Variants in TMEFF2 observed in about 807,000 individuals in gnomAD.
The protein encoded by TMEFF2 is tomoregulin-2.
A neutral mutation model predicts 53.8 loss-of-function variants in TMEFF2; 28 were observed. The observed-to-expected ratio is 0.52, with a 90% CI of 0.39 to 0.71. The LOEUF is 0.71. TMEFF2 is among the 30% of genes least tolerant of loss of function. TMEFF2 has a pLI of 0.00. For missense variants in TMEFF2, 353 were observed against 455.2 expected, an observed-to-expected ratio of 0.78 and a Z score of 2.04; for synonymous variants, 162 against 166.3, an observed-to-expected ratio of 0.97 and a Z score of 0.20.
chr2:192,160,102 T>A (rs1385211398), intron 4 of TMEFF2, among the ~76,000 whole-genome samples: 3 of 152,138 alleles, frequency 2.0e-5, no homozygotes, highest in Non-Finnish European at 4.4e-5. Flanking sequence ...CCTTCTAAAA[T>A]TTTGAGAGAC....
In TMEFF2 at chr2:192,057,753, A is replaced by G. The variant is rs1016136918; in HGVS notation, c.462T>C (p.Thr154=). ...GDGVHEGSGE[T]SQKETSTCDI... is the part of the protein sequence containing the mutation. The stretch of plus-strand genomic sequence containing the variant: ...CACAGGTGGATGTCTCCTTTTGACT[A>G]GTTTCTCCAGAGCCTTCATGGACTG... The change falls in exon 5 of 10, where the codon ACT becomes ACC. Residue 154 remains threonine (T), a synonymous_variant. Coordinates refer to ENST00000272771, the MANE Select transcript of TMEFF2 (RefSeq NM_016192.4). 5.0e-6 allele frequency: 8 copies of G among 1,613,848 alleles called. No individual in the cohort carries two copies. The highest frequency in any genetic ancestry group is 6.8e-6 in the Non-Finnish European group (8 of 1,179,876).
intron 4 of TMEFF2, among the ~76,000 whole-genome samples, chr2:192,163,772 A>G (rs1191464360): frequency 6.6e-6 from 1 of 152,210 alleles, no homozygotes; most frequent in Non-Finnish European, 1.5e-5. Context: ...AAACCTACAC[A>G]TTCATTTATG....
chr2:192,015,174 T>G (rs1686717045), intron 5 of TMEFF2, among the ~76,000 whole-genome samples: 1 of 152,170 alleles, frequency 6.6e-6, no homozygotes, highest in African/African-American at 2.4e-5. Context: ...TATCTTGATA[T>G]ATAAGGTTTA....
chr2:191,980,242 A>G (rs1490277865), intron 7 of TMEFF2, among the ~76,000 whole-genome samples: 1 of 152,200 alleles, frequency 6.6e-6, no homozygotes, highest in Non-Finnish European at 1.5e-5. Context: ...ATAATACACT[A>G]TTGGCAGAGA....
intron 4 of TMEFF2, among the ~76,000 whole-genome samples, chr2:192,062,319 A>C (rs555537196): frequency 7.9e-5 from 12 of 152,262 alleles, no homozygotes; most frequent in Admixed American, 5.9e-4. Flanking sequence ...AGGTAGTTGC[A>C]TGTATCAATA....
At chr2:192,100,159 CAT>C (rs1689002044) in intron 4 of TMEFF2, among the ~76,000 whole-genome samples, 1 of 152,078 alleles carries the variant, frequency 6.6e-6, no homozygotes, top group African/African-American at 2.4e-5. Flanking sequence ...ATTAAACAAA[CAT>C]ATATTGAGTG....
intron 4 of TMEFF2, among the ~76,000 whole-genome samples, chr2:192,086,939 TGAA>T (rs1308455037): frequency 1.3e-5 from 2 of 151,936 alleles, no homozygotes; most frequent in East Asian, 3.9e-4. Flanking sequence ...AGAAAATAAT[TGAA>T]GTATATATCT....
chr2:192,126,511 T>C (rs1037265214), intron 4 of TMEFF2, among the ~76,000 whole-genome samples: 1 of 152,212 alleles, frequency 6.6e-6, no homozygotes, highest in Admixed American at 6.5e-5. Flanking sequence ...AACATGACAA[T>C]TAAAACTGTC....
chr2:192,018,671 A>C (rs1281133527), intron 5 of TMEFF2, among the ~76,000 whole-genome samples: 1 of 152,154 alleles, frequency 6.6e-6, no homozygotes, highest in Non-Finnish European at 1.5e-5. Context: ...AAATCCCCTG[A>C]TGATATTCAC....
At chr2:192,186,671 C>A (rs774901092) in intron 2 of TMEFF2, among the ~76,000 whole-genome samples, 3 of 152,150 alleles carry the variant, frequency 2.0e-5, no homozygotes, top group Non-Finnish European at 4.4e-5. Context: ...TGCTTGAGGC[C>A]TGGTATTCTT....
Position 191,989,125 on chromosome 2 carries a change from A to G in TMEFF2, c.745+9137T>C, listed in dbSNP as rs1367100073. Among the ~76,000 whole-genome samples the G allele has an allele frequency of 2.6e-5, 4 of 152,224 alleles. No individual in the cohort carries two copies. In the East Asian group the frequency reaches 7.7e-4, roughly 29 times the overall value. On this transcript the variant is annotated intron_variant, in intron 7 of 9. Transcript: ENST00000272771. ...CATTGCAGAAGGACATAGCAATCCA[A>G]TAAGGACTGAGATATATACTAAAAT...
intron 4 of TMEFF2, among the ~76,000 whole-genome samples, chr2:192,128,554 A>T (rs893708786): frequency 1.3e-5 from 2 of 152,242 alleles, no homozygotes; most frequent in African/African-American, 4.8e-5. Flanking sequence ...TTGCCTTCTT[A>T]TCGCAAGAAA....
chr2:192,193,757 TAGATAGAGAGAGAG>T (rs1367304503), intron 1 of TMEFF2, among the ~76,000 whole-genome samples: 88 of 26,672 alleles, frequency 3.3e-3, no homozygotes, highest in African/African-American at 7.4e-3. Context: ...GAGAGATAGA[TAGATAGAGAGAGAG>T]AGAGAGAGAG....
At chr2:191,964,038 T>A (rs1248693684) in intron 7 of TMEFF2, among the ~76,000 whole-genome samples, 1 of 152,184 alleles carries the variant, frequency 6.6e-6, no homozygotes, top group Admixed American at 6.5e-5. Flanking sequence ...AAGTCAGGGC[T>A]CTTTCCAGTG....
At chr2:192,149,115 C>T (rs545529051) in intron 4 of TMEFF2, among the ~76,000 whole-genome samples, 27 of 151,884 alleles carry the variant, frequency 1.8e-4, no homozygotes, top group Admixed American at 1.2e-3. Flanking sequence ...TTTAATTTTG[C>T]ATTCAACTGC....
chr2:192,017,507 G>A (rs181818305), intron 5 of TMEFF2, among the ~76,000 whole-genome samples: 1 of 152,242 alleles, frequency 6.6e-6, no homozygotes, highest in Admixed American at 6.5e-5. Context: ...ATGCCTTTTG[G>A]CAGCACTCAC....
chr2:192,083,784 T>C (rs1480387442), intron 4 of TMEFF2, among the ~76,000 whole-genome samples: 1 of 151,636 alleles, frequency 6.6e-6, no homozygotes, highest in East Asian at 1.9e-4. Flanking sequence ...GTTTACTCTT[T>C]ATTCACATAT....
intron 7 of TMEFF2, among the ~76,000 whole-genome samples, chr2:191,964,372 C>T (rs199584441): frequency 0.017 from 1,291 of 77,024 alleles, 28 homozygotes; most frequent in South Asian, 0.021. Context: ...TTCTTTCTTT[C>T]TCTTTCTTTC....
chr2:192,110,857 G>A (rs898391773), intron 4 of TMEFF2, among the ~76,000 whole-genome samples: 1 of 152,008 alleles, frequency 6.6e-6, no homozygotes, highest in Non-Finnish European at 1.5e-5. Context: ...GAATCATGGG[G>A]GCAGTTTCCC....
Sources: gnomAD v4.1 joint callset for allele counts (sites outside exome capture counted in the v4.1 genomes callset) on GRCh38, gnomAD v4.1.1 for gene constraint, MANE v1.5 for transcripts, NCBI Gene and HGNC (gene_info 2026-07-23, HGNC 2026-07-21) for gene names.